TTC7B: variants seen among roughly 807,000 people sequenced by gnomAD.
The protein encoded by TTC7B is tetratricopeptide repeat protein 7B.
In TTC7B, 28 loss-of-function variants were observed where a neutral mutation model predicts 106.8. The ratio of observed to expected loss-of-function variants is 0.26; its 90% CI spans 0.19 to 0.36. The LOEUF is 0.36. TTC7B is among the 10% of genes least tolerant of loss of function. The probability of loss-of-function intolerance (pLI) is 1.00; values close to 1 mark genes in which losing one functional copy is unlikely to be tolerated. For missense variants in TTC7B, 862 were observed against 1,076.4 expected, an observed-to-expected ratio of 0.80 and a Z score of 2.79; for synonymous variants, 405 against 430.6, an observed-to-expected ratio of 0.94 and a Z score of 0.74.
intron 15 of TTC7B, among the ~76,000 whole-genome samples, chr14:90,641,805 C>T (rs1431851357): frequency 6.6e-6 from 1 of 152,186 alleles, no homozygotes; most frequent in Non-Finnish European, 1.5e-5. Flanking sequence ...TTAGCCACCA[C>T]TGTTTACTGC....
intron 17 of TTC7B, among the ~76,000 whole-genome samples, chr14:90,609,696 T>G (rs373214533): frequency 6.6e-6 from 1 of 152,076 alleles, no homozygotes; most frequent in Non-Finnish European, 1.5e-5. Flanking sequence ...CGGTCCCCTG[T>G]GGGTGGGGGA....
chr14:90,669,923 C>T (rs935363386), intron 9 of TTC7B, among the ~76,000 whole-genome samples: 2 of 152,172 alleles, frequency 1.3e-5, no homozygotes, highest in African/African-American at 4.8e-5. Context: ...CAATTCCACT[C>T]CTAGGTGCAA....
At chr14:90,678,670 C>G (rs1001772998) in intron 8 of TTC7B, among the ~76,000 whole-genome samples, 2 of 152,142 alleles carry the variant, frequency 1.3e-5, no homozygotes, top group African/African-American at 2.4e-5. Context: ...TACCATAGAG[C>G]CAAATCTGAC....
At chr14:90,769,504 A>G (rs1434762246) in intron 3 of TTC7B, among the ~76,000 whole-genome samples, 1 of 152,244 alleles carries the variant, frequency 6.6e-6, no homozygotes, top group Non-Finnish European at 1.5e-5. Context: ...AGTGGCTCAC[A>G]TTTCAGATCC....
intron 6 of TTC7B, among the ~76,000 whole-genome samples, chr14:90,694,545 G>A (rs1316364380): frequency 1.5e-5 from 2 of 136,490 alleles, no homozygotes; most frequent in Non-Finnish European, 3.2e-5. Context: ...GAAAGGGCTT[G>A]CGCAAGTTCA....
At position 90,805,536 on chromosome 14, in the gene TTC7B, G is replaced by A. The variant is rs1326829841; in HGVS notation, c.121+10639C>T. On this transcript the variant is annotated intron_variant, in intron 1 of 19. Transcript: ENST00000328459. The surrounding 1 kb of genome is among the most constrained non-coding windows in gnomAD (Gnocchi z 4.0). ...CCACCGTGGCCTCCCAAACTGCTGG[G>A]ATTGCAGGCATGAGCCACCGCGCCC... Among the ~76,000 whole-genome samples the A allele has an allele frequency of 2.0e-5, 3 of 152,228 alleles. No individual in the cohort carries two copies. The highest frequency in any genetic ancestry group is 7.2e-5 in the African/African-American group (3 of 41,444).
At chr14:90,816,025 C>T (rs749853283) in intron 1 of TTC7B, 150 bp downstream of exon 1, 142 of 930,736 alleles carry the variant, frequency 1.5e-4, no homozygotes, top group Admixed American at 4.4e-4. Flanking sequence ...TCCCCCAGGC[C>T]CCGGTCCCGC....
chr14:90,606,171 A>G lies in TTC7B; in HGVS notation c.1966+4571T>C, dbSNP rs556198284. On this transcript the variant is annotated intron_variant, in intron 17 of 19. Coordinates refer to ENST00000328459, the MANE Select transcript of TTC7B (RefSeq NM_001010854.2). ...GAAGCACTTATATACAGTTTACTTG[A>G]AAATAAGGTTTTCCAAGGTGCAGAG... is the stretch of plus-strand genomic sequence containing the variant. Among the ~76,000 whole-genome samples, 30 of 152,202 alleles carry G rather than the reference A, an allele frequency of 2.0e-4. 1 individual carries two copies. The highest frequency in any genetic ancestry group is 6.3e-3 in the Middle Eastern group (2 of 316).
chr14:90,720,317 C>T (rs1269891558), intron 5 of TTC7B, among the ~76,000 whole-genome samples: 1 of 152,124 alleles, frequency 6.6e-6, no homozygotes, highest in Non-Finnish European at 1.5e-5. Flanking sequence ...ACCTTTCCTC[C>T]TCAATGCTGT....
intron 15 of TTC7B, among the ~76,000 whole-genome samples, chr14:90,626,342 G>T (rs1884439249): frequency 1.3e-5 from 2 of 152,230 alleles, no homozygotes; most frequent in South Asian, 2.1e-4. Flanking sequence ...CCAAAGGAAG[G>T]CCACCCCTGC....
intron 19 of TTC7B, among the ~76,000 whole-genome samples, chr14:90,544,155 G>A (rs756513115): frequency 5.9e-5 from 9 of 152,260 alleles, no homozygotes; most frequent in Non-Finnish European, 1.2e-4. Flanking sequence ...TCTCCTGGGT[G>A]AGGAGGAGGC....
intron 1 of TTC7B, among the ~76,000 whole-genome samples, chr14:90,813,182 C>T (rs987308840): frequency 2.6e-5 from 4 of 152,204 alleles, no homozygotes; most frequent in Non-Finnish European, 2.9e-5. Context: ...CAGGGCCACC[C>T]TATTTAAACT....
At chr14:90,673,001 G>A (rs953010630) in intron 9 of TTC7B, among the ~76,000 whole-genome samples, 4 of 152,156 alleles carry the variant, frequency 2.6e-5, no homozygotes, top group Non-Finnish European at 5.9e-5. Flanking sequence ...GGTTAATGAT[G>A]TGCCTAGGCT....
At chr14:90,773,226 T>C (rs1890919665) in intron 3 of TTC7B, among the ~76,000 whole-genome samples, 1 of 152,244 alleles carries the variant, frequency 6.6e-6, no homozygotes, top group Non-Finnish European at 1.5e-5. Context: ...TCTTATTTAG[T>C]CTTCTCAGTA....
intron 19 of TTC7B, among the ~76,000 whole-genome samples, chr14:90,569,000 C>G (rs185303905): frequency 2.7e-4 from 41 of 152,322 alleles, no homozygotes; most frequent in African/African-American, 8.2e-4. Context: ...TACCTCCCCC[C>G]ACTCAATCCT....
chr14:90,751,799 TG>T (rs1408995224), intron 3 of TTC7B, among the ~76,000 whole-genome samples: 16 of 152,226 alleles, frequency 1.1e-4, no homozygotes, highest in Non-Finnish European at 2.4e-4. Flanking sequence ...ACCCCTTCCA[TG>T]TGCCTGTTTG....
intron 10 of TTC7B, 115 bp downstream of exon 10, chr14:90,658,189 A>G: frequency 1.1e-6 from 1 of 875,512 alleles, no homozygotes; most frequent in Admixed American, 2.2e-5. Flanking sequence ...ATAGTTTCTC[A>G]GAGTGGCTCG....
chr14:90,626,927 T>G (rs1463062072), intron 15 of TTC7B, among the ~76,000 whole-genome samples: 1 of 152,162 alleles, frequency 6.6e-6, no homozygotes, highest in Non-Finnish European at 1.5e-5. Context: ...TTTGGCAAAC[T>G]TCTGTCTGGG....
intron 15 of TTC7B, among the ~76,000 whole-genome samples, chr14:90,633,581 C>T (rs561567449): frequency 1.9e-4 from 29 of 152,284 alleles, no homozygotes; most frequent in Non-Finnish European, 3.4e-4. Flanking sequence ...AAATGAATTT[C>T]AACAGCAGAA....
Sources: gnomAD v4.1 joint callset for allele counts (sites outside exome capture counted in the v4.1 genomes callset) on GRCh38, gnomAD v4.1.1 for gene constraint, Gnocchi (gnomAD v3.1) non-coding constraint, MANE v1.5 for transcripts, NCBI Gene and HGNC (gene_info 2026-07-23, HGNC 2026-07-21) for gene names.